PNCK: variants seen among roughly 807,000 people sequenced by gnomAD.
PNCK encodes calcium/calmodulin-dependent protein kinase type 1B.
Under a neutral mutation model 28.3 loss-of-function variants are expected in PNCK, and 21 were observed. The observed-to-expected ratio is 0.74, with a 90% CI of 0.53 to 1.07. PNCK has a LOEUF of 1.07. PNCK is among the 50% of genes least tolerant of loss of function. PNCK has a pLI of 0.00. For synonymous variants in PNCK, 136 were observed against 125.2 expected (o/e 1.09, Z -0.58); for missense variants, 250 against 298.3 (o/e 0.84, Z 1.19).
chrX:153,679,172 TTC>T (rs2091383271), upstream of PNCK, among the ~76,000 whole-genome samples: 1 of 111,567 alleles, frequency 9.0e-6, no homozygotes, highest in African/African-American at 3.3e-5. Context: ...GACATAAGTT[TTC>T]AAATCATTTG....
intron 1 of PNCK, among the ~76,000 whole-genome samples, chrX:153,682,638 A>G (rs2091400439): frequency 8.9e-6 from 1 of 111,749 alleles, no homozygotes; most frequent in South Asian, 3.7e-4. Context: ...GCCTTAACTG[A>G]TGACATTCCA....
At chrX:153,671,814 G>A (rs782012586) in intron 5 of PNCK, 66 bp downstream of exon 5, 16 of 1,185,538 alleles carry the variant, frequency 1.3e-5, no homozygotes, top group South Asian at 5.6e-5. Flanking sequence ...CCGTGCTCCC[G>A]GGAAAACAAA....
chrX:153,674,024 G>C, upstream of PNCK: 1 of 1,193,182 alleles, frequency 8.4e-7, no homozygotes, highest in East Asian at 3.0e-5. Context: ...CGGCCCGGCT[G>C]GGCCGGCCCC....
chrX:153,681,462 C>T (rs1207899667), intron 1 of PNCK, among the ~76,000 whole-genome samples: 13 of 111,616 alleles, frequency 1.2e-4, no homozygotes, highest in African/African-American at 4.2e-4. Flanking sequence ...CCCCTGAGGC[C>T]CACCTGATCA....
upstream of PNCK, chrX:153,687,683 G>C (rs2148357011): frequency 3.5e-6 from 1 of 283,095 alleles, no homozygotes; most frequent in East Asian, 1.2e-4. Flanking sequence ...GGGGCGAGGG[G>C]CGGCCCGGAG....
At chrX:153,673,306 C>G (rs782544755) in intron 1 of PNCK, 1 of 1,174,772 alleles carries the variant, frequency 8.5e-7, no homozygotes, top group African/African-American at 1.8e-5. Flanking sequence ...GCACCCTCCC[C>G]CGCACCCCGA....
rs782612755 is a variant in PNCK at position 153,673,053 on chromosome X, C to T, written c.24G>A (p.Thr8=). Residue 8 remains threonine, a synonymous_variant, in exon 2 of 12, where the codon ACG becomes ACA. Transcript: ENST00000340888. Reference sequence around the variant, plus strand: ...TCTCGTAGACGCTGCTGATGTCCTCCGTGTGTTTCTTCAGCAGCAGCATGT... The same window carrying T: ...TCTCGTAGACGCTGCTGATGTCCTCTGTGTGTTTCTTCAGCAGCAGCATGT... MLLLKKH[T]EDISSVYEIR... 8 of 1,197,529 alleles carry T rather than the reference C, an allele frequency of 6.7e-6. No homozygotes were observed. The highest frequency in any genetic ancestry group is 2.2e-5 in the Admixed American group (1 of 45,118).
chrX:153,684,445 GC>G (rs1557042847), intron 1 of PNCK, among the ~76,000 whole-genome samples: 1 of 111,609 alleles, frequency 9.0e-6, no homozygotes, highest in Non-Finnish European at 1.9e-5. Flanking sequence ...GGGTTCTGCT[GC>G]CCCCCATCCC....
intron 1 of PNCK, chrX:153,687,299 C>T (rs782217146): frequency 1.1e-5 from 3 of 280,944 alleles, no homozygotes; most frequent in East Asian, 1.1e-4. Context: ...CCCACTCTCA[C>T]GCCAGGCAGG....
At chrX:153,682,498 C>T (rs374893157) in intron 1 of PNCK, among the ~76,000 whole-genome samples, 5 of 111,979 alleles carry the variant, frequency 4.5e-5, no homozygotes, top group Middle Eastern at 4.6e-3. Context: ...AGGCTGGTCT[C>T]GAACCCCTGG....
chrX:153,670,544 C>G lies in PNCK; in HGVS notation c.945G>C (p.Gln315His). Residue 315 changes from glutamine (Q) to histidine (H), a missense_variant, in exon 11 of 12, where the codon CAG (glutamine) becomes CAC (histidine). Transcript: ENST00000340888. ...SFLRHIRKLG[Q>H]IPEGEGASEQ... is the part of the protein sequence containing the mutation. ...CAGAGGCCCCCTCGCCCTCTGGGAT[C>G]TGCCCCAGCTTCCGGATGTGGCGCA... is the stretch of plus-strand genomic sequence containing the variant. 8.3e-7 allele frequency: 1 copy of G among 1,211,003 alleles called. No homozygotes were observed. Among genetic ancestry groups the G allele is most frequent in the Non-Finnish European group, 1.1e-6 (1 of 895,293 alleles).
chrX:153,671,057 A>G (rs1557039597), intron 8 of PNCK, 21 bp downstream of exon 8: 2 of 1,210,518 alleles, frequency 1.7e-6, no homozygotes, highest in Admixed American at 2.2e-5. Context: ...ACCTCCAAGC[A>G]CGGGCCAGCC....
At chrX:153,685,423 C>G (rs1033845070) in intron 1 of PNCK, among the ~76,000 whole-genome samples, 1 of 111,378 alleles carries the variant, frequency 9.0e-6, no homozygotes, top group East Asian at 2.9e-4. Flanking sequence ...CGGAGCTCCC[C>G]GCCGGGAACT....
chrX:153,681,725 A>T (rs2091396370), intron 1 of PNCK, among the ~76,000 whole-genome samples: 1 of 112,353 alleles, frequency 8.9e-6, no homozygotes, highest in South Asian at 3.7e-4. Flanking sequence ...GCAATAACTG[A>T]TGTTGATTCA....
chrX:153,670,267 A>C, intron 11 of PNCK, 137 bp from the exon 12 acceptor site: 2 of 603,209 alleles, frequency 3.3e-6, no homozygotes, highest in Non-Finnish European at 5.0e-6. Context: ...AATGTCAAGC[A>C]CCCACTGGCC....
chrX:153,673,230 G>A, intron 1 of PNCK, 152 bp from the exon 2 acceptor site: 1 of 1,190,964 alleles, frequency 8.4e-7, no homozygotes, highest in South Asian at 1.8e-5. Context: ...ACCCCCAGAC[G>A]GACGCCTCCC....
Position 153,670,967 on chromosome X carries a change from G to C in PNCK, c.757C>G (p.Arg253Gly). Residue 253 changes from arginine (R) to glycine (G), a missense_variant, in exon 9 of 12, where the codon CGA (arginine) becomes GGA (glycine). Arg to Gly is a moderately radical substitution (Grantham distance 125). Coordinates refer to ENST00000340888, the MANE Select transcript of PNCK (RefSeq NM_001366977.1). ...AKDFIRHLLE[R>G]DPQKRFTCQQ... ...CAGGTGAACCTCTTCTGGGGGTCTCGCTCCAGAAGGTGCCGGATGAAGTCT... is the reference window on the plus strand; with the variant it reads ...CAGGTGAACCTCTTCTGGGGGTCTCCCTCCAGAAGGTGCCGGATGAAGTCT... The C allele has an allele frequency of 8.3e-7, 1 of 1,211,951 alleles. No homozygotes were observed. Among genetic ancestry groups the C allele is most frequent in the Non-Finnish European group, 1.1e-6 (1 of 895,516 alleles).
chrX:153,686,638 CCT>C (rs1557043214), intron 1 of PNCK: 2 of 112,404 alleles, frequency 1.8e-5, no homozygotes, highest in South Asian at 3.7e-4. Flanking sequence ...CTCTAATGCC[CCT>C]GTCTCCAGAC....
chrX:153,687,630 G>A (rs2091426908), upstream of PNCK: 2 of 306,741 alleles, frequency 6.5e-6, no homozygotes, highest in Admixed American at 6.6e-5. Context: ...GGCTGGGAGG[G>A]GCCGGCCGGG....
Sources: allele counts gnomAD v4.1 joint callset (sites outside exome capture counted in the v4.1 genomes callset), GRCh38; gene constraint gnomAD v4.1.1; transcripts MANE v1.5; gene names NCBI Gene and HGNC (gene_info 2026-07-23, HGNC 2026-07-21).